The following SLC35A3 variants were observed in gnomAD, a reference collection of about 807,000 sequenced individuals.
The protein encoded by SLC35A3 is solute carrier family 35 member A3, also known as UDP-N-acetylglucosamine transporter.
In SLC35A3, 26 loss-of-function variants were observed where a neutral mutation model predicts 39.0. The observed-to-expected ratio is 0.67, with a 90% CI of 0.49 to 0.92. The LOEUF (loss-of-function observed/expected upper bound fraction) is 0.92, where lower values mean the gene tolerates loss of function less well. Among genes scored for constraint, SLC35A3 ranks in the 40% least tolerant of loss-of-function variants. SLC35A3 has a pLI of 0.00. For synonymous variants in SLC35A3, 135 were observed against 133.1 expected, an observed-to-expected ratio of 1.01 and a Z score of -0.10; for missense variants, 299 against 371.6, an observed-to-expected ratio of 0.80 and a Z score of 1.61.
At chr1:100,002,873 C>T (rs1658910970) in intron 3 of SLC35A3, among the ~76,000 whole-genome samples, 1 of 151,998 alleles carries the variant, frequency 6.6e-6, no homozygotes, top group Admixed American at 6.5e-5. Context: ...CCTGGCCTCC[C>T]AAGGTGCTGG....
In SLC35A3 at chr1:100,031,338, C is replaced by G. The variant is rs754061112; in HGVS notation, c.*8862C>G. 6.6e-6 allele frequency: 1 copy of G among 152,210 alleles called. No individual in the cohort carries two copies. The highest frequency in any genetic ancestry group is 1.5e-5 in the Non-Finnish European group (1 of 68,032). The allele number at this position is 152,210 out of a possible 1,614,324, so 9.4% of individuals were successfully genotyped here. A position where few individuals can be genotyped will look rare whatever the true frequency, so the allele number is the denominator to read the frequency against. Reference sequence around the variant, plus strand: ...TAACATTTTGCCACACTAGCTTTATCTCTGTTGGGACACTTTACCCCTACA... The same window carrying G: ...TAACATTTTGCCACACTAGCTTTATGTCTGTTGGGACACTTTACCCCTACA... On this transcript the variant is annotated 3_prime_UTR_variant, in exon 8 of 8. Transcript: ENST00000533028.
chr1:100,010,593 TA>T (rs1659559804), intron 4 of SLC35A3, among the ~76,000 whole-genome samples: 1 of 152,032 alleles, frequency 6.6e-6, no homozygotes. Flanking sequence ...CTGGGGAGGC[TA>T]AGGTGGATCA....
At chr1:100,003,936 T>A (rs1219965713) in intron 3 of SLC35A3, among the ~76,000 whole-genome samples, 1 of 152,206 alleles carries the variant, frequency 6.6e-6, no homozygotes, top group Non-Finnish European at 1.5e-5. Flanking sequence ...GTATAGCTAT[T>A]TCTGCTCGTT....
intron 6 of SLC35A3, among the ~76,000 whole-genome samples, chr1:100,017,062 T>C (rs1181753697): frequency 1.3e-5 from 2 of 152,134 alleles, no homozygotes; most frequent in Non-Finnish European, 2.9e-5. Context: ...ATTTGGAAAA[T>C]GATAAGTAGT....
At chr1:100,005,424 C>G (rs992150179) in intron 3 of SLC35A3, among the ~76,000 whole-genome samples, 1 of 152,158 alleles carries the variant, frequency 6.6e-6, no homozygotes, top group African/African-American at 2.4e-5. Flanking sequence ...TTGAGGGCAT[C>G]CTTTGTGTGA....
chr1:99,994,356 T>C (rs12096375), intron 2 of SLC35A3, among the ~76,000 whole-genome samples: 3 of 131,574 alleles, frequency 2.3e-5, no homozygotes, highest in Non-Finnish European at 4.9e-5. Context: ...TAAAATTTTT[T>C]ATCTAAATTT....
In SLC35A3 at chr1:100,024,565, G is replaced by GAA; in HGVS notation, c.*2092_*2093dup. 1 of 165,524 alleles carries GAA rather than the reference G, an allele frequency of 6.0e-6. No homozygotes were observed. Among genetic ancestry groups the GAA allele is most frequent in the Non-Finnish European group, 1.2e-5 (1 of 81,720 alleles). 10.3% of individuals were successfully genotyped at this position (165,524 alleles called of 1,614,324 possible). ...GACTCCGTCTCAAAAAAAAAAAAAAGAAAACACACACACACACACACACAC... is the reference window on the plus strand; with the variant it reads ...GACTCCGTCTCAAAAAAAAAAAAAAGAAAAAACACACACACACACACACACAC... On this transcript the variant is annotated 3_prime_UTR_variant, in exon 8 of 8. Coordinates refer to ENST00000533028, the MANE Select transcript of SLC35A3 (RefSeq NM_012243.3).
chr1:100,015,651 A>C (rs1244009895), intron 6 of SLC35A3: 5 of 420,280 alleles, frequency 1.2e-5, no homozygotes, highest in Non-Finnish European at 2.0e-5. Flanking sequence ...AACATAATGA[A>C]AATACAAGTT....
At chr1:100,000,106 T>C (rs1018936902) in intron 3 of SLC35A3, among the ~76,000 whole-genome samples, 1 of 152,190 alleles carries the variant, frequency 6.6e-6, no homozygotes, top group African/African-American at 2.4e-5. Context: ...AGTAGTGGGA[T>C]TGCTGGATTG....
chr1:99,992,003 T>C (rs906130857), intron 1 of SLC35A3, among the ~76,000 whole-genome samples: 1 of 152,168 alleles, frequency 6.6e-6, no homozygotes, highest in Non-Finnish European at 1.5e-5. Context: ...TGCCTCAGCC[T>C]CCCAAAGTGC....
At chr1:99,989,439 A>G (rs1042542547) in intron 1 of SLC35A3, among the ~76,000 whole-genome samples, 2 of 151,802 alleles carry the variant, frequency 1.3e-5, no homozygotes, top group Non-Finnish European at 2.9e-5. Flanking sequence ...ACCTGCAAGC[A>G]TGCCTGGCTA....
chr1:100,011,683 A>T (rs983117263), intron 5 of SLC35A3, 150 bp downstream of exon 5: 15 of 170,010 alleles, frequency 8.8e-5, no homozygotes, highest in South Asian at 2.2e-4. Context: ...AAAACATTTT[A>T]TTATTTATTT....
At chr1:99,970,504 G>C (rs1244146804) in intron 1 of SLC35A3, 7 of 1,496,994 alleles carry the variant, frequency 4.7e-6, no homozygotes, top group Non-Finnish European at 6.3e-6. Flanking sequence ...GGTGGGCCCG[G>C]CTGGGGCCCG....
At chr1:99,984,545 C>T (rs570053098) in intron 1 of SLC35A3, among the ~76,000 whole-genome samples, 4 of 152,268 alleles carry the variant, frequency 2.6e-5, no homozygotes, top group Non-Finnish European at 4.4e-5. Flanking sequence ...TATAAACATG[C>T]GTGTGCAAAT....
chr1:99,973,229 A>G (rs1280988988), intron 1 of SLC35A3, among the ~76,000 whole-genome samples: 2 of 152,214 alleles, frequency 1.3e-5, no homozygotes, highest in Non-Finnish European at 2.9e-5. Context: ...CCAGAAATTT[A>G]GAGTAAGTTA....
intron 3 of SLC35A3, among the ~76,000 whole-genome samples, chr1:99,999,811 C>CT (rs563097446): frequency 0.023 from 3,361 of 145,736 alleles, 47 homozygotes; most frequent in South Asian, 0.071. Context: ...CCCCCGCTCC[C>CT]TTTTTTTTTT....
At chr1:99,997,530 A>G (rs1384499586) in intron 2 of SLC35A3, among the ~76,000 whole-genome samples, 1 of 134,950 alleles carries the variant, frequency 7.4e-6, no homozygotes, top group African/African-American at 2.6e-5. Flanking sequence ...TTGGACATGT[A>G]TTAAGATCTA....
At chr1:100,020,190 T>C (rs1275232942) in intron 7 of SLC35A3, among the ~76,000 whole-genome samples, 1 of 152,214 alleles carries the variant, frequency 6.6e-6, no homozygotes, top group East Asian at 1.9e-4. Context: ...CTGATAGTTT[T>C]ATCCTAATTT....
Position 100,031,164 on chromosome 1 carries a change from G to C in SLC35A3, c.*8688G>C, listed in dbSNP as rs1246032926. 1 of 151,976 alleles carries C rather than the reference G, an allele frequency of 6.6e-6. No homozygotes were observed. The highest frequency in any genetic ancestry group is 2.4e-5 in the African/African-American group (1 of 41,338). 9.4% of individuals were successfully genotyped at this position (151,976 alleles called of 1,614,324 possible). ...TGCTATGACAGATTGTGCCAATTTA[G>C]CTTTAAAAAACTCATGGGCTACCTC... On this transcript the variant is annotated 3_prime_UTR_variant, in exon 8 of 8. Coordinates refer to ENST00000533028, the MANE Select transcript of SLC35A3 (RefSeq NM_012243.3).
Sources: allele counts gnomAD v4.1 joint callset (sites outside exome capture counted in the v4.1 genomes callset), GRCh38; gene constraint gnomAD v4.1.1; transcripts MANE v1.5; gene names NCBI Gene and HGNC (gene_info 2026-07-23, HGNC 2026-07-21).